The following SEMA6D variants were observed in gnomAD, a reference collection of about 807,000 sequenced individuals.
SEMA6D encodes the protein semaphorin-6D.
SEMA6D carries 35 observed loss-of-function variants against 106.6 expected under a neutral mutation model. The ratio of observed to expected loss-of-function variants is 0.33; its 90% CI spans 0.25 to 0.44. The LOEUF (loss-of-function observed/expected upper bound fraction) is 0.44. Among genes scored for constraint, SEMA6D ranks in the 20% least tolerant of loss-of-function variants. The pLI, the probability that SEMA6D is intolerant of heterozygous loss-of-function variation, is 1.00. For synonymous variants in SEMA6D, 499 were observed against 487.7 expected, an observed-to-expected ratio of 1.02 and a Z score of -0.31; for missense variants, 1,185 against 1,345.9, an observed-to-expected ratio of 0.88 and a Z score of 1.87.
intron 1 of SEMA6D, among the ~76,000 whole-genome samples, chr15:47,197,222 T>C (rs539982608): frequency 3.9e-5 from 6 of 152,292 alleles, no homozygotes; most frequent in African/African-American, 1.4e-4. Flanking sequence ...GAGTCTCTCC[T>C]CCTAGCCTGT....
chr15:47,317,690 A>G (rs1353288548), intron 1 of SEMA6D, among the ~76,000 whole-genome samples: 1 of 152,024 alleles, frequency 6.6e-6, no homozygotes, highest in Non-Finnish European at 1.5e-5. Context: ...CCATTCTCGT[A>G]TTGCTCGCAT....
At chr15:47,444,963 G>GC (rs1174158910) in intron 2 of SEMA6D, among the ~76,000 whole-genome samples, 6 of 152,256 alleles carry the variant, frequency 3.9e-5, no homozygotes, top group Admixed American at 3.3e-4. Context: ...ACTGAGCGGT[G>GC]GAGGCAGCTC....
At position 47,341,470 on chromosome 15, in the gene SEMA6D, G is replaced by T. The variant is rs533351326; in HGVS notation, c.-238-70923G>T. 2.6e-5 allele frequency among the ~76,000 whole-genome samples: 4 copies of T among 152,252 alleles called. No homozygotes were observed. In the South Asian group the frequency reaches 8.3e-4, roughly 32 times the overall value. ...TTTCTGTATGTTGGAAGTAACACTT[G>T]CTTAGAAGACAAAGGTCTGTTTTCA... On this transcript the variant is annotated intron_variant, in intron 1 of 19. Transcript: ENST00000558014.
intron 1 of SEMA6D, among the ~76,000 whole-genome samples, chr15:47,346,972 C>A (rs576748242): frequency 2.6e-5 from 4 of 151,826 alleles, no homozygotes; most frequent in Admixed American, 1.3e-4. Flanking sequence ...GCAATGATGC[C>A]ATCTCAGCTC....
intron 3 of SEMA6D, among the ~76,000 whole-genome samples, chr15:47,524,586 T>C (rs773048846): frequency 5.3e-5 from 8 of 152,222 alleles, no homozygotes; most frequent in Non-Finnish European, 1.2e-4. Flanking sequence ...TGCCTAATTA[T>C]AAATGACTTA....
At chr15:47,560,086 C>A (rs1290146537) in intron 3 of SEMA6D, among the ~76,000 whole-genome samples, 1 of 151,922 alleles carries the variant, frequency 6.6e-6, no homozygotes, top group African/African-American at 2.4e-5. Flanking sequence ...AAAATAAAAA[C>A]AAAAATAATT....
intron 1 of SEMA6D, among the ~76,000 whole-genome samples, chr15:47,219,420 T>C (rs2030980669): frequency 1.3e-5 from 2 of 152,328 alleles, no homozygotes; most frequent in South Asian, 4.1e-4. Flanking sequence ...AAATACAGGA[T>C]CCTTAAGAAT....
chr15:47,653,493 G>GT (rs2077731821), intron 4 of SEMA6D, among the ~76,000 whole-genome samples: 1 of 152,174 alleles, frequency 6.6e-6, no homozygotes, highest in African/African-American at 2.4e-5. Flanking sequence ...TGCCTCTAGT[G>GT]TTTCCTTCAT....
chr15:47,331,730 C>T (rs1279426242), intron 1 of SEMA6D, among the ~76,000 whole-genome samples: 1 of 152,076 alleles, frequency 6.6e-6, no homozygotes, highest in African/African-American at 2.4e-5. Context: ...AATGCAAATA[C>T]AGTTTGCAAA....
chr15:47,614,635 T>C (rs2076972612), intron 4 of SEMA6D, among the ~76,000 whole-genome samples: 1 of 152,154 alleles, frequency 6.6e-6, no homozygotes, highest in Non-Finnish European at 1.5e-5. Context: ...CACTAAGTAC[T>C]TTGGTGCACG....
At chr15:47,333,130 T>C (rs2037409544) in intron 1 of SEMA6D, among the ~76,000 whole-genome samples, 1 of 152,142 alleles carries the variant, frequency 6.6e-6, no homozygotes, top group Non-Finnish European at 1.5e-5. Context: ...AAAGAGTGAG[T>C]TTGGCCACCT....
At chr15:47,275,070 GT>G (rs1392056860) in intron 1 of SEMA6D, 1 of 152,124 alleles carries the variant, frequency 6.6e-6, no homozygotes, top group East Asian at 1.9e-4. Context: ...CAAAGGAACT[GT>G]TAACAGAATC....
chr15:47,251,251 T>G (rs1207669236), intron 1 of SEMA6D, among the ~76,000 whole-genome samples: 1 of 152,204 alleles, frequency 6.6e-6, no homozygotes, highest in East Asian at 1.9e-4. Flanking sequence ...ATTCCTAACA[T>G]GAAGGTTTTC....
intron 1 of SEMA6D, among the ~76,000 whole-genome samples, chr15:47,288,299 C>T (rs1354499628): frequency 6.6e-6 from 1 of 152,142 alleles, no homozygotes; most frequent in Non-Finnish European, 1.5e-5. Flanking sequence ...AGTTAATGCA[C>T]CGTCAACATT....
At chr15:47,282,352 A>G (rs2035164375) in intron 1 of SEMA6D, among the ~76,000 whole-genome samples, 2 of 152,144 alleles carry the variant, frequency 1.3e-5, no homozygotes. Context: ...TTTGCTCAAC[A>G]TTAGGCTTGT....
At chr15:47,472,535 C>T (rs1159274162) in intron 3 of SEMA6D, among the ~76,000 whole-genome samples, 2 of 152,146 alleles carry the variant, frequency 1.3e-5, no homozygotes, top group African/African-American at 4.8e-5. Flanking sequence ...GAACATGGGG[C>T]TTTGTGGCCA....
At chr15:47,524,430 A>T (rs1480596928) in intron 3 of SEMA6D, among the ~76,000 whole-genome samples, 1 of 152,186 alleles carries the variant, frequency 6.6e-6, no homozygotes, top group Non-Finnish European at 1.5e-5. Context: ...TTACCTTGCT[A>T]ATAATTTGAG....
chr15:47,329,233 G>A (rs1244570708), intron 1 of SEMA6D, among the ~76,000 whole-genome samples: 1 of 152,208 alleles, frequency 6.6e-6, no homozygotes, highest in African/African-American at 2.4e-5. Flanking sequence ...CAGGATGCTT[G>A]TGCAGCAGAA....
intron 1 of SEMA6D, among the ~76,000 whole-genome samples, chr15:47,260,734 G>A (rs954744471): frequency 1.3e-5 from 2 of 152,042 alleles, no homozygotes; most frequent in Non-Finnish European, 2.9e-5. Flanking sequence ...GTATTTCTTG[G>A]AGGGGAGGGA....
Sources: allele counts gnomAD v4.1 joint callset (sites outside exome capture counted in the v4.1 genomes callset), GRCh38; gene constraint gnomAD v4.1.1; transcripts MANE v1.5; gene names NCBI Gene and HGNC (gene_info 2026-07-23, HGNC 2026-07-21).